PTH2R: variants seen among roughly 807,000 people sequenced by gnomAD.
The protein encoded by PTH2R is parathyroid hormone 2 receptor, also known as PTH2 receptor.
Under a neutral mutation model 60.3 loss-of-function variants are expected in PTH2R, and 59 were observed. The ratio of observed to expected loss-of-function variants is 0.98; its 90% CI spans 0.79 to 1.22. The LOEUF is 1.22. PTH2R is among the 50% of genes most tolerant of loss of function. PTH2R has a pLI of 0.00. For synonymous variants in PTH2R, 256 were observed against 243.8 expected (o/e 1.05, Z -0.47); for missense variants, 749 against 682.6 (o/e 1.10, Z -1.08).
chr2:208,470,207 G>T (rs1368678719), intron 9 of PTH2R, among the ~76,000 whole-genome samples: 1 of 152,168 alleles, frequency 6.6e-6, no homozygotes, highest in African/African-American at 2.4e-5. Flanking sequence ...GAATTTACCG[G>T]TTAGGGAAAA....
At chr2:208,412,437 A>G (rs931214356) in intron 1 of PTH2R, among the ~76,000 whole-genome samples, 4 of 152,306 alleles carry the variant, frequency 2.6e-5, no homozygotes, top group African/African-American at 9.6e-5. Flanking sequence ...CTCATTGCCA[A>G]TTGCTGGCAG....
intron 7 of PTH2R, among the ~76,000 whole-genome samples, chr2:208,446,602 G>A (rs1702292604): frequency 6.6e-6 from 1 of 152,138 alleles, no homozygotes; most frequent in African/African-American, 2.4e-5. Context: ...TGGTTCTACA[G>A]CTAGTCTGTC....
intron 9 of PTH2R, among the ~76,000 whole-genome samples, chr2:208,471,552 T>C (rs1184695714): frequency 6.6e-6 from 1 of 152,232 alleles, no homozygotes; most frequent in Non-Finnish European, 1.5e-5. Context: ...AAGTCAAAAA[T>C]TGAGGTTTGG....
intron 2 of PTH2R, among the ~76,000 whole-genome samples, chr2:208,428,859 C>T (rs1039607800): frequency 2.0e-5 from 3 of 152,042 alleles, no homozygotes; most frequent in Non-Finnish European, 4.4e-5. Context: ...CCGAGGTGGG[C>T]GGATCACCTG....
intron 1 of PTH2R, among the ~76,000 whole-genome samples, chr2:208,379,234 A>G (rs1206408823): frequency 2.0e-5 from 3 of 152,158 alleles, no homozygotes; most frequent in Non-Finnish European, 4.4e-5. Context: ...AAGAAAATGT[A>G]TATTAATAAA....
intron 1 of PTH2R, among the ~76,000 whole-genome samples, chr2:208,384,206 G>C (rs756651115): frequency 2.0e-5 from 3 of 152,202 alleles, no homozygotes; most frequent in African/African-American, 7.2e-5. Flanking sequence ...CAGGTTTCCG[G>C]GTGAAGGTGA....
At chr2:208,436,152 C>T (rs975613255) in intron 2 of PTH2R, among the ~76,000 whole-genome samples, 4 of 152,124 alleles carry the variant, frequency 2.6e-5, no homozygotes, top group Non-Finnish European at 5.9e-5. Context: ...AATAAAATAA[C>T]ACCCAATATT....
intron 1 of PTH2R, among the ~76,000 whole-genome samples, chr2:208,383,893 G>C (rs1247142728): frequency 6.6e-6 from 1 of 152,208 alleles, no homozygotes; most frequent in East Asian, 1.9e-4. Flanking sequence ...TTGCCATGAT[G>C]AAGAGAACAG....
upstream of PTH2R, chr2:208,406,775 G>A (rs1260061292): frequency 1.8e-5 from 6 of 335,152 alleles, no homozygotes; most frequent in Non-Finnish European, 2.7e-5. Context: ...GGCGGCGCGG[G>A]GCTGCGAGTC....
chr2:208,442,459 C>A lies in PTH2R; in HGVS notation c.507C>A (p.Phe169Leu), dbSNP rs1702205310. 1 of 1,597,660 alleles carries A rather than the reference C, an allele frequency of 6.3e-7. No homozygotes were observed. The highest frequency in any genetic ancestry group is 8.6e-7 in the Non-Finnish European group (1 of 1,165,190). ...TGGCTATTCTCATCATTGGTTACTT[C>A]AGGTGAGTGATGCCCATCACTTTTT... ...LAVAILIIGYFRRLHCTRNYI... is the reference protein window; with the variant it reads ...LAVAILIIGYLRRLHCTRNYI... The change falls in exon 5 of 13, where the codon TTC (phenylalanine) becomes TTA (leucine). Residue 169 changes from phenylalanine to leucine, a missense_variant and splice_region_variant. Physicochemically the swap from Phe to Leu is conservative, Grantham distance 22. Transcript: ENST00000272847.
At chr2:208,454,875 G>A (rs1702478933) in intron 8 of PTH2R, among the ~76,000 whole-genome samples, 1 of 151,604 alleles carries the variant, frequency 6.6e-6, no homozygotes, top group Admixed American at 6.6e-5. Context: ...GAATTATTTT[G>A]TCTGCTATGC....
intron 9 of PTH2R, among the ~76,000 whole-genome samples, chr2:208,460,299 T>TAGTA (rs1293628384): frequency 1.3e-5 from 2 of 152,104 alleles, no homozygotes; most frequent in Admixed American, 6.6e-5. Flanking sequence ...GATCACCTGG[T>TAGTA]AGTAGGTCAG....
chr2:208,407,976 A>C (rs534889266), intron 1 of PTH2R, among the ~76,000 whole-genome samples: 7 of 152,308 alleles, frequency 4.6e-5, no homozygotes, highest in African/African-American at 1.7e-4. Context: ...TTATGTGTTG[A>C]TACTGTCTAA....
chr2:208,382,857 C>A (rs545867593), intron 1 of PTH2R, among the ~76,000 whole-genome samples: 2 of 152,354 alleles, frequency 1.3e-5, no homozygotes, highest in South Asian at 4.1e-4. Flanking sequence ...TTCTCTGAGG[C>A]ACACTGCATG....
rs1702391423 is a variant in PTH2R at position 208,450,788 on chromosome 2, G to A, written c.893G>A (p.Arg298Gln). ...AAFVAAWAVA[R>Q]ATLADARCWE... The stretch of plus-strand genomic sequence containing the variant: ...TTTGTTGCAGCATGGGCTGTGGCAC[G>A]AGCAACTCTGGCTGATGCGAGGTGA... The change falls in exon 8 of 13, where the codon CGA (arginine) becomes CAA (glutamine). Residue 298 changes from arginine to glutamine, a missense_variant. Coordinates refer to ENST00000272847, the MANE Select transcript of PTH2R (RefSeq NM_005048.4). 8 of 1,613,808 alleles carry A rather than the reference G, an allele frequency of 5.0e-6. No homozygotes were observed. The highest frequency in any genetic ancestry group is 2.2e-5 in the East Asian group (1 of 44,894).
chr2:208,441,179 G>A (rs932272923), intron 4 of PTH2R, among the ~76,000 whole-genome samples: 7 of 152,270 alleles, frequency 4.6e-5, no homozygotes, highest in Non-Finnish European at 8.8e-5. Flanking sequence ...TGCTAGAACA[G>A]CTCACATAAC....
intron 1 of PTH2R, among the ~76,000 whole-genome samples, chr2:208,426,466 T>TA (rs1701859823): frequency 6.6e-6 from 1 of 152,186 alleles, no homozygotes; most frequent in Non-Finnish European, 1.5e-5. Flanking sequence ...GAAAGCAATA[T>TA]AAAAAACAAG....
chr2:208,464,830 A>G (rs1702709567), intron 9 of PTH2R, among the ~76,000 whole-genome samples: 1 of 152,182 alleles, frequency 6.6e-6, no homozygotes, highest in African/African-American at 2.4e-5. Flanking sequence ...CCTGGGCAAC[A>G]AAACAAAACC....
intron 7 of PTH2R, 100 bp from the exon 8 acceptor site, chr2:208,450,649 C>T: frequency 8.5e-7 from 1 of 1,181,436 alleles, no homozygotes; most frequent in Non-Finnish European, 1.2e-6. Flanking sequence ...ATTTTTATCT[C>T]TGAACAGCTA....
Sources: gnomAD v4.1 joint callset for allele counts (sites outside exome capture counted in the v4.1 genomes callset) on GRCh38, gnomAD v4.1.1 for gene constraint, MANE v1.5 for transcripts, NCBI Gene and HGNC (gene_info 2026-07-23, HGNC 2026-07-21) for gene names.